Variants in TBCD observed in about 807,000 individuals in gnomAD.
TBCD encodes tubulin folding cofactor D, also known as tubulin-specific chaperone D.
Under a neutral mutation model 169.3 loss-of-function variants are expected in TBCD, and 105 were observed. That is an observed-to-expected ratio of 0.62 (90% CI 0.53 to 0.73). The LOEUF (loss-of-function observed/expected upper bound fraction) is 0.73, where lower values mean the gene tolerates loss of function less well. Among genes scored for constraint, TBCD ranks in the 30% least tolerant of loss-of-function variants. TBCD has a pLI of 0.00. For synonymous variants in TBCD, 700 were observed against 643.9 expected (o/e 1.09, Z -1.32); for missense variants, 1,444 against 1,600.1 (o/e 0.90, Z 1.66).
intron 14 of TBCD, among the ~76,000 whole-genome samples, chr17:82,870,813 C>A (rs1403474634): frequency 6.6e-6 from 1 of 152,254 alleles, no homozygotes; most frequent in Non-Finnish European, 1.5e-5. Context: ...GAGGCGAATT[C>A]TGTCTCTATC....
chr17:82,863,204 C>T (rs549141883), intron 13 of TBCD, among the ~76,000 whole-genome samples: 3 of 152,324 alleles, frequency 2.0e-5, no homozygotes, highest in African/African-American at 2.4e-5. Context: ...CAGGCTTAGT[C>T]CTCAGATCAG....
intron 4 of TBCD, 23 bp from the exon 5 acceptor site, chr17:82,768,397 C>A (rs2048133910): frequency 6.2e-7 from 1 of 1,613,362 alleles, no homozygotes; most frequent in African/African-American, 1.3e-5. Flanking sequence ...AAGACTCATT[C>A]TTCCCGTGGT....
rs1476063112 is a variant in TBCD at position 82,787,482 on chromosome 17, G to T, written c.771+5761G>T. On this transcript the variant is annotated intron_variant, in intron 7 of 38. Transcript: ENST00000355528. ...TGTTGTTTCCTTCTGTCTCTTGGAAGGGTCCGTTTGGTCTGATCCAGGTTG... is the reference window on the plus strand; with the variant it reads ...TGTTGTTTCCTTCTGTCTCTTGGAATGGTCCGTTTGGTCTGATCCAGGTTG... 4.6e-5 allele frequency among the ~76,000 whole-genome samples: 7 copies of T among 152,370 alleles called. No homozygotes were observed. The South Asian group carries it at 1.2e-3, about 27-fold the overall frequency.
At chr17:82,843,089 C>G (rs1029224140) in intron 13 of TBCD, among the ~76,000 whole-genome samples, 1 of 152,152 alleles carries the variant, frequency 6.6e-6, no homozygotes, top group Non-Finnish European at 1.5e-5. Flanking sequence ...CGCAAGTGTT[C>G]TCTATTTTCT....
Position 82,926,436 on chromosome 17 carries a change from C to T in TBCD, c.2416C>T (p.Pro806Ser), listed in dbSNP as rs772726109. ...TTTAAGAGCAGTTACCCACACTTCC[C>T]CCGAGGACGTAAGTTTTGCTGAGTC... ...TGLRAVTHTSPEDVSFAESRR... is the reference protein window; with the variant it reads ...TGLRAVTHTSSEDVSFAESRR... Residue 806 changes from proline to serine, a missense_variant, in exon 28 of 39, where the codon CCC (proline) becomes TCC (serine). Pro to Ser is a moderately conservative substitution (Grantham distance 74, BLOSUM62 -1). Coordinates refer to ENST00000355528, the MANE Select transcript of TBCD (RefSeq NM_005993.5). 6 of 1,613,898 alleles carry T rather than the reference C, an allele frequency of 3.7e-6. No individual in the cohort carries two copies. The highest frequency in any genetic ancestry group is 5.1e-6 in the Non-Finnish European group (6 of 1,179,902).
At chr17:82,888,283 C>T (rs1465124425) in intron 15 of TBCD, among the ~76,000 whole-genome samples, 2 of 152,238 alleles carry the variant, frequency 1.3e-5, no homozygotes, top group Non-Finnish European at 1.5e-5. Context: ...TGCTGCTGTG[C>T]ATAGTCAGCC....
At chr17:82,801,420 G>A (rs1486475731) in intron 9 of TBCD, among the ~76,000 whole-genome samples, 1 of 152,196 alleles carries the variant, frequency 6.6e-6, no homozygotes, top group Admixed American at 6.5e-5. Context: ...AGCTGGCGTT[G>A]GCAGGAAGGT....
chr17:82,822,483 G>A (rs902746765), intron 13 of TBCD, among the ~76,000 whole-genome samples: 3 of 152,198 alleles, frequency 2.0e-5, no homozygotes, highest in Admixed American at 6.5e-5. Flanking sequence ...AAAGAGGAAC[G>A]AAGGCTCGCA....
intron 27 of TBCD, 140 bp from the exon 28 acceptor site, chr17:82,926,260 A>G (rs1281693272): frequency 2.6e-6 from 2 of 756,546 alleles, no homozygotes; most frequent in Middle Eastern, 2.4e-4. Flanking sequence ...GGGGCCATGG[A>G]TGGCCGTGAG....
intron 13 of TBCD, among the ~76,000 whole-genome samples, chr17:82,817,004 T>G (rs1010973587): frequency 6.6e-6 from 1 of 152,228 alleles, no homozygotes; most frequent in African/African-American, 2.4e-5. Flanking sequence ...TTCAAGTTCT[T>G]TACTCATTTA....
rs2062322898 is a variant in TBCD at position 82,932,909 on chromosome 17, CAAT to C, written c.3191+180_3191+182del. 5 of 630,900 alleles carry C rather than the reference CAAT, an allele frequency of 7.9e-6. No homozygotes were observed. The Admixed American group carries it at 1.1e-4, about 14-fold the overall frequency. The allele number at this position is 630,900 out of a possible 1,614,324, so 39.1% of individuals were successfully genotyped here. On this transcript the variant is annotated intron_variant, in intron 34 of 38. Transcript: ENST00000355528. ...ATCACAGCTGGCCCTCAAAATAACG[CAAT>C]AATAACATATTTACATAATGACATA... is the stretch of plus-strand genomic sequence containing the variant.
rs547657014 is a variant in TBCD, at chr17:82,823,198, T to TG, written c.1318+8270dup. Among the ~76,000 whole-genome samples the TG allele has an allele frequency of 2.9e-3, 446 of 152,276 alleles. 4 individuals are homozygous for TG. Among genetic ancestry groups the TG allele is most frequent in the Middle Eastern group, 3.4e-3 (1 of 292 alleles). ...GTGCCGAGGCTGGCTCAGGCTCTTG[T>TG]GGGGGGCCCTGCTGTCTGTCCAGCC... is the stretch of plus-strand genomic sequence containing the variant. On this transcript the variant is annotated intron_variant, in intron 13 of 38. Coordinates refer to ENST00000355528, the MANE Select transcript of TBCD (RefSeq NM_005993.5).
At chr17:82,865,314 G>A (rs545702241) in intron 13 of TBCD, among the ~76,000 whole-genome samples, 65 of 152,352 alleles carry the variant, frequency 4.3e-4, no homozygotes, top group African/African-American at 1.5e-3. Context: ...ACGGCCACGC[G>A]GCTCTCGGGA....
intron 1 of TBCD, 25 bp downstream of exon 1, chr17:82,752,402 G>T (rs2451217): frequency 8.2e-7 from 1 of 1,212,910 alleles, no homozygotes; most frequent in Non-Finnish European, 1.0e-6. Context: ...CCGCGTGCCC[G>T]CTTCCTCCCC....
At chr17:82,882,320 C>A (rs1433324581) in intron 14 of TBCD, among the ~76,000 whole-genome samples, 1 of 152,242 alleles carries the variant, frequency 6.6e-6, no homozygotes, top group Non-Finnish European at 1.5e-5. Context: ...AGCCCATTCC[C>A]CCCCAGCCCC....
chr17:82,899,236 T>TGTCCTCAGCGCAC (rs1211229611), intron 17 of TBCD, among the ~76,000 whole-genome samples: 11 of 145,086 alleles, frequency 7.6e-5, no homozygotes, highest in East Asian at 6.2e-4. Flanking sequence ...CCTCAGCGCA[T>TGTCCTCAGCGCAC]GTCCTCAGCG....
chr17:82,873,355 C>T lies in TBCD; in HGVS notation c.1475+2975C>T, dbSNP rs2057744807. 3.9e-5 allele frequency among the ~76,000 whole-genome samples: 6 copies of T among 152,096 alleles called. No individual in the cohort carries two copies. In the South Asian group the frequency reaches 1.2e-3, roughly 32 times the overall value. On this transcript the variant is annotated intron_variant, in intron 14 of 38. Transcript: ENST00000355528. ...ATGGGGGTGAGACGAAACCTCCACT[C>T]ACCTGGGAGGGTGTCTAGGTGGGCA... is the stretch of plus-strand genomic sequence containing the variant.
chr17:82,886,386 T>A (rs549798499), intron 15 of TBCD: 1 of 139,028 alleles, frequency 7.2e-6, no homozygotes, highest in African/African-American at 2.6e-5. Context: ...GTGCTGACAT[T>A]GCAAGAAGAC....
intron 2 of TBCD, among the ~76,000 whole-genome samples, chr17:82,760,784 T>C (rs1337650361): frequency 1.3e-5 from 2 of 152,206 alleles, no homozygotes; most frequent in East Asian, 3.8e-4. Context: ...CATCAACAAT[T>C]CCTTCCCATT....
Sources: gnomAD v4.1 joint callset for allele counts (sites outside exome capture counted in the v4.1 genomes callset) on GRCh38, gnomAD v4.1.1 for gene constraint, MANE v1.5 for transcripts, NCBI Gene and HGNC (gene_info 2026-07-23, HGNC 2026-07-21) for gene names.